SESTD1: variants seen among roughly 807,000 people sequenced by gnomAD.
The protein encoded by SESTD1 is SEC14 and spectrin domain containing 1, also known as SEC14 domain and spectrin repeat-containing protein 1.
A neutral mutation model predicts 101.7 loss-of-function variants in SESTD1; 43 were observed. The ratio of observed to expected loss-of-function variants is 0.42; its 90% CI spans 0.33 to 0.55. SESTD1 has a LOEUF of 0.55. SESTD1 is among the 20% of genes least tolerant of loss of function. The pLI, the probability that SESTD1 is intolerant of heterozygous loss-of-function variation, is 0.07. For missense variants in SESTD1, 647 were observed against 815.1 expected, an observed-to-expected ratio of 0.79 and a Z score of 2.51; for synonymous variants, 283 against 286.8, an observed-to-expected ratio of 0.99 and a Z score of 0.13.
At chr2:179,258,407 G>A (rs1574073739) in intron 1 of SESTD1, among the ~76,000 whole-genome samples, 2 of 152,208 alleles carry the variant, frequency 1.3e-5, no homozygotes, top group East Asian at 3.9e-4. Flanking sequence ...CAATATCACT[G>A]AACCTGATCA....
At chr2:179,217,031 T>C (rs533168700) in intron 1 of SESTD1, among the ~76,000 whole-genome samples, 5 of 152,084 alleles carry the variant, frequency 3.3e-5, no homozygotes, top group Admixed American at 6.5e-5. Flanking sequence ...ATAAAAACCC[T>C]AGAAGAAAAC....
At position 179,116,807 on chromosome 2, in the gene SESTD1, A is replaced by AT. The variant is rs760451588; in HGVS notation, c.1525-18_1525-17insA. On this transcript the variant is annotated splice_polypyrimidine_tract_variant and intron_variant, in intron 14 of 17. Transcript: ENST00000428443. ...TTCTACTGCCTAAACAAAAAGACAT[A>AT]ACAATGAAGCTGGATTCAGAACTCT... 6.2e-7 allele frequency: 1 copy of AT among 1,610,224 alleles called. No individual in the cohort carries two copies. The highest frequency in any genetic ancestry group is 1.3e-5 in the African/African-American group (1 of 74,968).
chr2:179,247,222 GT>G lies in SESTD1; in HGVS notation c.-26+17276del, dbSNP rs1020478461. Among the ~76,000 whole-genome samples, 259 of 143,814 alleles carry G rather than the reference GT, an allele frequency of 1.8e-3. 2 individuals carry two copies. Among genetic ancestry groups the G allele is most frequent in the African/African-American group, 4.7e-3 (185 of 39,392 alleles). The allele number at this position is 143,814 out of a possible 152,430, so 94.3% of individuals were successfully genotyped here. A position where few individuals can be genotyped will look rare whatever the true frequency, so the allele number is the denominator to read the frequency against. ...AATGCATGCTGATCAGATCAGGGTA[GT>G]TTTTTTTTTTTAATTCCAACTTTGT... On this transcript the variant is annotated intron_variant, in intron 1 of 17. Coordinates refer to ENST00000428443, the MANE Select transcript of SESTD1 (RefSeq NM_178123.5).
intron 2 of SESTD1, among the ~76,000 whole-genome samples, chr2:179,185,897 AGT>A (rs2046221988): frequency 2.2e-5 from 3 of 136,988 alleles, no homozygotes; most frequent in Non-Finnish European, 4.6e-5. Flanking sequence ...TATACAATAT[AGT>A]ATATTATATA....
chr2:179,145,481 G>A (rs1480747983), intron 8 of SESTD1, among the ~76,000 whole-genome samples: 1 of 152,194 alleles, frequency 6.6e-6, no homozygotes, highest in Non-Finnish European at 1.5e-5. Flanking sequence ...GTGGCACACA[G>A]TAGGATTAGA....
intron 5 of SESTD1, among the ~76,000 whole-genome samples, chr2:179,155,160 C>A (rs904333307): frequency 1.3e-5 from 2 of 151,954 alleles, no homozygotes; most frequent in Admixed American, 6.6e-5. Flanking sequence ...AAGTGATCCA[C>A]CTGCCCTGGC....
chr2:179,181,214 A>G (rs983044056), intron 3 of SESTD1, among the ~76,000 whole-genome samples: 1 of 152,132 alleles, frequency 6.6e-6, no homozygotes, highest in African/African-American at 2.4e-5. Context: ...CAGAGTGAAC[A>G]TGAGCCCAGA....
chr2:179,126,706 A>G lies in SESTD1; in HGVS notation c.973-2148T>C, dbSNP rs79877384. Among the ~76,000 whole-genome samples the G allele has an allele frequency of 1.9e-3, 286 of 152,234 alleles. 1 individual carries two copies. The highest frequency in any genetic ancestry group is 6.7e-3 in the African/African-American group (280 of 41,532). On this transcript the variant is annotated intron_variant, in intron 10 of 17. Coordinates refer to ENST00000428443, the MANE Select transcript of SESTD1 (RefSeq NM_178123.5). ...CCCCTCCCATGAACCCCAGATACTG[A>G]TACCCAACTGCCCACTAGCCACCTT...
At chr2:179,189,753 T>A (rs1374809004) in intron 2 of SESTD1, among the ~76,000 whole-genome samples, 2 of 151,328 alleles carry the variant, frequency 1.3e-5, no homozygotes, top group African/African-American at 4.9e-5. Context: ...TATACAAAAA[T>A]AAGTTGCATT....
chr2:179,184,397 T>C (rs185430276), intron 2 of SESTD1, among the ~76,000 whole-genome samples: 5 of 152,290 alleles, frequency 3.3e-5, no homozygotes, highest in African/African-American at 1.2e-4. Flanking sequence ...ATTCATAACA[T>C]ATGAACCATA....
chr2:179,199,062 G>A (rs143982614), intron 1 of SESTD1, among the ~76,000 whole-genome samples: 4,058 of 152,070 alleles, frequency 0.027, 85 homozygotes, highest in Admixed American at 0.035. Flanking sequence ...GCGCTAGCAA[G>A]ACTAATAAAG....
At chr2:179,255,389 G>A (rs1489254458) in intron 1 of SESTD1, among the ~76,000 whole-genome samples, 4 of 152,194 alleles carry the variant, frequency 2.6e-5, no homozygotes, top group African/African-American at 9.7e-5. Flanking sequence ...GAAAACATAC[G>A]AATGATAAGA....
At chr2:179,221,069 T>C (rs1227320294) in intron 1 of SESTD1, among the ~76,000 whole-genome samples, 1 of 152,158 alleles carries the variant, frequency 6.6e-6, no homozygotes, top group Admixed American at 6.5e-5. Flanking sequence ...TGAAATAATA[T>C]ACCTGTATCA....
chr2:179,212,505 C>T (rs2046664075), intron 1 of SESTD1, among the ~76,000 whole-genome samples: 1 of 135,620 alleles, frequency 7.4e-6, no homozygotes, highest in African/African-American at 2.9e-5. Flanking sequence ...AGCTGCAGAG[C>T]CCACCACAGC....
chr2:179,123,615 A>G, intron 12 of SESTD1, 100 bp downstream of exon 12: 1 of 694,208 alleles, frequency 1.4e-6, no homozygotes, highest in East Asian at 2.8e-5. Flanking sequence ...TGAAAATAAT[A>G]CTAATTAGTT....
chr2:179,114,041 T>C (rs757980453), intron 16 of SESTD1, among the ~76,000 whole-genome samples: 6 of 152,198 alleles, frequency 3.9e-5, no homozygotes, highest in Non-Finnish European at 8.8e-5. Flanking sequence ...GTGTTCACTT[T>C]ATGAAATCTC....
chr2:179,209,378 C>T (rs2046624371), intron 1 of SESTD1, among the ~76,000 whole-genome samples: 2 of 134,520 alleles, frequency 1.5e-5, no homozygotes, highest in Admixed American at 1.4e-4. Flanking sequence ...ATGGACTTAA[C>T]AGATATTTAC....
At chr2:179,141,470 T>C (rs563781320) in intron 9 of SESTD1, among the ~76,000 whole-genome samples, 3 of 152,148 alleles carry the variant, frequency 2.0e-5, no homozygotes, top group African/African-American at 4.8e-5. Context: ...CATCATGACA[T>C]TGCTGAGCCT....
chr2:179,163,367 A>C (rs1397311660), intron 5 of SESTD1, among the ~76,000 whole-genome samples: 2 of 152,156 alleles, frequency 1.3e-5, no homozygotes, highest in Non-Finnish European at 2.9e-5. Flanking sequence ...CTATTTTCAA[A>C]TAGCCATCTC....
Sources: gnomAD v4.1 joint callset for allele counts (sites outside exome capture counted in the v4.1 genomes callset) on GRCh38, gnomAD v4.1.1 for gene constraint, MANE v1.5 for transcripts, NCBI Gene and HGNC (gene_info 2026-07-23, HGNC 2026-07-21) for gene names.